The following THSD7B variants were observed in gnomAD, a reference collection of about 807,000 sequenced individuals.
THSD7B encodes thrombospondin type 1 domain containing 7B, also known as thrombospondin type-1 domain-containing protein 7B.
Under a neutral mutation model 213.6 loss-of-function variants are expected in THSD7B, and 138 were observed. The ratio of observed to expected loss-of-function variants is 0.65; its 90% confidence interval spans 0.56 to 0.74. THSD7B has a LOEUF of 0.74. THSD7B is among the 30% of genes least tolerant of loss of function. The pLI, the probability that THSD7B is intolerant of heterozygous loss-of-function variation, is 0.00. For synonymous variants in THSD7B, 742 were observed against 687.0 expected (o/e 1.08, Z -1.25); for missense variants, 1,931 against 1,991.5 (o/e 0.97, Z 0.58).
At position 137,056,911 on chromosome 2, in the gene THSD7B, C is replaced by G; in HGVS notation, c.631C>G (p.Leu211Val). The G allele has an allele frequency of 1.2e-6, 2 of 1,613,924 alleles. No individual in the cohort carries two copies. Among genetic ancestry groups the G allele is most frequent in the Non-Finnish European group, 8.5e-7 (1 of 1,179,868 alleles). Reference protein sequence around the residue: ...HRTRAVIAPPLFGGLQCPNLT... With the variant: ...HRTRAVIAPPVFGGLQCPNLT... The stretch of plus-strand genomic sequence containing the variant: ...AACTCGCGCGGTCATAGCTCCCCCT[C>G]TCTTTGGTGGTTTGCAATGTCCAAA... The change falls in exon 3 of 28, where the codon CTC (leucine) becomes GTC (valine). Residue 211 changes from leucine (L) to valine (V), a missense_variant. Transcript: ENST00000409968.
chr2:136,931,267 T>C (rs1034917830), intron 2 of THSD7B, among the ~76,000 whole-genome samples: 1 of 152,150 alleles, frequency 6.6e-6, no homozygotes, highest in African/African-American at 2.4e-5. Context: ...CATACATGCA[T>C]GTGTTAGTAC....
At chr2:137,299,741 G>A (rs577042214) in intron 12 of THSD7B, among the ~76,000 whole-genome samples, 28 of 152,172 alleles carry the variant, frequency 1.8e-4, no homozygotes, top group South Asian at 4.2e-4. Flanking sequence ...GCTGTTAAAC[G>A]TAAACATTAT....
chr2:136,970,384 T>G (rs1685386074), intron 2 of THSD7B, among the ~76,000 whole-genome samples: 1 of 152,106 alleles, frequency 6.6e-6, no homozygotes, highest in Admixed American at 6.6e-5. Context: ...AAGAATCACT[T>G]GAACCTGGAA....
intron 1 of THSD7B, among the ~76,000 whole-genome samples, chr2:136,782,720 C>T (rs921918750): frequency 6.6e-6 from 1 of 151,888 alleles, no homozygotes. Context: ...TAGTTAGTGT[C>T]GATATATTGT....
chr2:137,552,252 T>C (rs951558891), intron 15 of THSD7B, among the ~76,000 whole-genome samples: 10 of 152,182 alleles, frequency 6.6e-5, no homozygotes, highest in African/African-American at 2.2e-4. Context: ...TAGGCAACTT[T>C]GAAAATTCTG....
At chr2:137,240,567 G>A (rs1273533726) in intron 9 of THSD7B, among the ~76,000 whole-genome samples, 3 of 152,010 alleles carry the variant, frequency 2.0e-5, no homozygotes, top group African/African-American at 7.3e-5. Context: ...CTGGAGTGCA[G>A]GGGTATGATC....
At position 136,872,800 on chromosome 2, in the gene THSD7B, C is replaced by A. The variant is rs1293861829; in HGVS notation, c.-35-9344C>A. Among the ~76,000 whole-genome samples, 8 of 76,082 alleles carry A rather than the reference C, an allele frequency of 1.1e-4. No homozygotes were observed. The East Asian group carries it at 2.7e-3, about 26-fold the overall frequency. 49.9% of individuals were successfully genotyped at this position (76,082 alleles called of 152,430 possible). A position where few individuals can be genotyped will look rare whatever the true frequency, so the allele number is the denominator to read the frequency against. ...CCTGGCCAAGATGATGAAACTCTGT[C>A]TTTACTGAAAATACAAAAAAAAAAA... On this transcript the variant is annotated intron_variant, in intron 1 of 27. Coordinates refer to ENST00000409968, the MANE Select transcript of THSD7B (RefSeq NM_001316349.2).
chr2:136,958,299 C>T (rs1685158571), intron 2 of THSD7B, among the ~76,000 whole-genome samples: 1 of 152,218 alleles, frequency 6.6e-6, no homozygotes, highest in African/African-American at 2.4e-5. Flanking sequence ...CACAGGATGA[C>T]TGTCCTGTGT....
chr2:137,404,468 TATATATACAC>T (rs1367876135), intron 12 of THSD7B, among the ~76,000 whole-genome samples: 20 of 73,114 alleles, frequency 2.7e-4, no homozygotes, highest in East Asian at 1.4e-3. Flanking sequence ...TATATATATA[TATATATACAC>T]ACACACACAC....
At chr2:137,590,976 A>G (rs1463278669) in intron 17 of THSD7B, among the ~76,000 whole-genome samples, 3 of 151,620 alleles carry the variant, frequency 2.0e-5, no homozygotes, top group African/African-American at 7.3e-5. Flanking sequence ...GCTAATTGTG[A>G]GAAATTTTAT....
At chr2:137,670,521 T>G (rs2104829603) in intron 27 of THSD7B, among the ~76,000 whole-genome samples, 1 of 152,336 alleles carries the variant, frequency 6.6e-6, no homozygotes, top group East Asian at 1.9e-4. Context: ...AAACTTTGAT[T>G]TCGATAAGAG....
At chr2:136,834,255 C>T (rs1682809305) in intron 1 of THSD7B, among the ~76,000 whole-genome samples, 1 of 152,150 alleles carries the variant, frequency 6.6e-6, no homozygotes, top group African/African-American at 2.4e-5. Context: ...TTAAATATCA[C>T]CGTTGGTTGT....
rs111696537 is a variant in THSD7B, at chr2:136,921,131, C to T, written c.139+38814C>T. On this transcript the variant is annotated intron_variant, in intron 2 of 27. Coordinates refer to ENST00000409968, the MANE Select transcript of THSD7B (RefSeq NM_001316349.2). ...GCTCCCACACCAGCTCTGCCTAGTG[C>T]GCAGGCCTGGCTGTGCCTCCCCTGC... Among the ~76,000 whole-genome samples, 1,024 of 150,600 alleles carry T rather than the reference C, an allele frequency of 6.8e-3. 12 individuals carry two copies. Among genetic ancestry groups the T allele is most frequent in the African/African-American group, 0.023 (947 of 41,062 alleles).
chr2:137,423,636 T>A (rs1282592069), intron 14 of THSD7B, among the ~76,000 whole-genome samples: 1 of 152,080 alleles, frequency 6.6e-6, no homozygotes, highest in African/African-American at 2.4e-5. Flanking sequence ...TAAAACATTG[T>A]TGGGGAAGAT....
At chr2:137,393,406 CGG>C (rs1686092155) in intron 12 of THSD7B, among the ~76,000 whole-genome samples, 1 of 149,848 alleles carries the variant, frequency 6.7e-6, no homozygotes, top group Non-Finnish European at 1.5e-5. Flanking sequence ...TGAGAATGTG[CGG>C]TGTTTGGTTT....
chr2:137,560,750 C>G (rs1267492101), intron 15 of THSD7B, among the ~76,000 whole-genome samples: 2 of 151,888 alleles, frequency 1.3e-5, no homozygotes, highest in African/African-American at 4.8e-5. Flanking sequence ...AAAAGATGCA[C>G]AAAGGAGTCC....
intron 2 of THSD7B, among the ~76,000 whole-genome samples, chr2:137,049,793 A>C (rs1687035791): frequency 1.3e-5 from 2 of 152,196 alleles, no homozygotes; most frequent in African/African-American, 4.8e-5. Flanking sequence ...GACCAGAATT[A>C]ACAAGTGGAA....
At chr2:137,537,642 G>A (rs1392879922) in intron 15 of THSD7B, among the ~76,000 whole-genome samples, 5 of 151,492 alleles carry the variant, frequency 3.3e-5, no homozygotes, top group African/African-American at 1.2e-4. Context: ...CTATTATTCT[G>A]TTCATTAAGA....
chr2:137,275,142 T>C (rs998200806), intron 11 of THSD7B, among the ~76,000 whole-genome samples: 6 of 152,078 alleles, frequency 3.9e-5, no homozygotes, highest in Admixed American at 6.6e-5. Flanking sequence ...GTCATAAAAA[T>C]AGAGTTTTGT....
Sources: allele counts gnomAD v4.1 joint callset (sites outside exome capture counted in the v4.1 genomes callset), GRCh38; gene constraint gnomAD v4.1.1; transcripts MANE v1.5; gene names NCBI Gene and HGNC (gene_info 2026-07-23, HGNC 2026-07-21).